SLCO1B3: variants seen among roughly 807,000 people sequenced by gnomAD.
The protein encoded by SLCO1B3 is liver-specific organic anion transporter 2.
Under a neutral mutation model 71.8 loss-of-function variants are expected in SLCO1B3, and 72 were observed. The ratio of observed to expected loss-of-function variants is 1.00; its 90% CI spans 0.83 to 1.22. The LOEUF is 1.22. Ranked by LOEUF, SLCO1B3 falls within the 50% of genes most tolerant of loss-of-function variation. The pLI, the probability that SLCO1B3 is intolerant of heterozygous loss-of-function variation, is 0.00. For missense variants in SLCO1B3, 911 were observed against 819.7 expected, an observed-to-expected ratio of 1.11 and a Z score of -1.36; for synonymous variants, 298 against 278.4, an observed-to-expected ratio of 1.07 and a Z score of -0.70.
intron 15 of SLCO1B3, among the ~76,000 whole-genome samples, chr12:20,904,600 G>A (rs1866198109): frequency 6.6e-6 from 1 of 151,816 alleles, no homozygotes; most frequent in Non-Finnish European, 1.5e-5. Flanking sequence ...GGAGTCTGGA[G>A]GACAGTGGCC....
chr12:20,863,346 T>C (rs2121256390), intron 8 of SLCO1B3, among the ~76,000 whole-genome samples: 1 of 152,262 alleles, frequency 6.6e-6, no homozygotes, highest in South Asian at 2.1e-4. Context: ...GAACATTTAA[T>C]GAGTGCTTAT....
intron 3 of SLCO1B3, among the ~76,000 whole-genome samples, chr12:20,830,710 G>T (rs1412662941): frequency 2.0e-5 from 3 of 152,204 alleles, no homozygotes; most frequent in East Asian, 1.9e-4. Context: ...GTTAAACAAG[G>T]TTCCTTTTAA....
intron 1 of SLCO1B3, among the ~76,000 whole-genome samples, chr12:20,811,325 T>G (rs555606345): frequency 6.6e-6 from 1 of 152,292 alleles, no homozygotes; most frequent in Non-Finnish European, 1.5e-5. Context: ...GAAAAAAATC[T>G]TCTGGGCACA....
chr12:20,817,483 C>T (rs1864212762), intron 3 of SLCO1B3, among the ~76,000 whole-genome samples: 1 of 152,142 alleles, frequency 6.6e-6, no homozygotes, highest in Admixed American at 6.5e-5. Flanking sequence ...CAAGAATAAG[C>T]TCACTGTAGG....
At chr12:20,858,705 T>A (rs1050213207) in intron 5 of SLCO1B3, 134 bp downstream of exon 5, 12 of 708,986 alleles carry the variant, frequency 1.7e-5, no homozygotes, top group Non-Finnish European at 2.7e-5. Context: ...AGAAATGGAG[T>A]ATATTTCCTA....
In SLCO1B3 at chr12:20,862,739, T is replaced by G; in HGVS notation, c.629-17T>G. The G allele has an allele frequency of 1.3e-6, 2 of 1,581,320 alleles. No individual in the cohort carries two copies. On this transcript the variant is annotated splice_polypyrimidine_tract_variant and intron_variant, in intron 7 of 15. Transcript: ENST00000381545. ...GTATTTGTGACATCTGATTAAATTGTTTTGTAATACTTACAGGTAGTTTGA... is the reference window on the plus strand; with the variant it reads ...GTATTTGTGACATCTGATTAAATTGGTTTGTAATACTTACAGGTAGTTTGA...
intron 1 of SLCO1B3, among the ~76,000 whole-genome samples, chr12:20,812,363 G>A (rs973447738): frequency 1.3e-5 from 2 of 150,208 alleles, no homozygotes; most frequent in African/African-American, 2.4e-5. Context: ...ATGATTATTC[G>A]GGTATGTTCT....
chr12:20,834,671 G>T (rs186448376), intron 3 of SLCO1B3, among the ~76,000 whole-genome samples: 1 of 151,968 alleles, frequency 6.6e-6, no homozygotes, highest in African/African-American at 2.4e-5. Context: ...GATGCAAGAG[G>T]TGGGTCCCTC....
At chr12:20,833,517 A>G (rs12825751) in intron 3 of SLCO1B3, among the ~76,000 whole-genome samples, 15,109 of 148,558 alleles carry the variant, frequency 0.1, 1,032 homozygotes, top group Middle Eastern at 0.18. Context: ...CTATGTATGT[A>G]TATACATATA....
At chr12:20,900,157 T>C (rs2120375244) in intron 14 of SLCO1B3, among the ~76,000 whole-genome samples, 1 of 152,336 alleles carries the variant, frequency 6.6e-6, no homozygotes, top group Non-Finnish European at 1.5e-5. Context: ...CTGTGATTTT[T>C]TGAAATCTGC....
chr12:20,875,366 C>CA lies in SLCO1B3; in HGVS notation c.864dup (p.Glu289ArgfsTer15), dbSNP rs767508889. ...CTTGCCGAAAAATCCAAATAAACCA[C>CA]AAAAAGAAAGAAAAATTTCACTATC... On this transcript the variant is annotated frameshift_variant, in exon 9 of 16. Transcript: ENST00000381545. LOFTEE classifies it high-confidence loss of function. 15 of 1,611,900 alleles carry CA rather than the reference C, an allele frequency of 9.3e-6. No individual in the cohort carries two copies. The highest frequency in any genetic ancestry group is 1.3e-5 in the Non-Finnish European group (15 of 1,179,242).
chr12:20,845,188 CATGG>C, intron 3 of SLCO1B3: 1 of 456,252 alleles, frequency 2.2e-6, no homozygotes, highest in Non-Finnish European at 4.5e-6. Context: ...AAGGTAGCCA[CATGG>C]GAGAAGCAGA....
rs775300015 is a variant in SLCO1B3 at position 20,883,584 on chromosome 12, TTATC to T, written c.1666_1669del (p.Ile556CysfsTer2). ...TTCTCTGCAACAGGAGGTACCACAT[TTATC>T]TTGTTGACTGTGAAGTAAGTATGAT... On this transcript the variant is annotated frameshift_variant, in exon 13 of 16. Transcript: ENST00000381545. LOFTEE classifies it high-confidence loss of function. 8.4e-5 allele frequency: 133 copies of T among 1,590,824 alleles called. 2 individuals carry two copies. The South Asian group carries it at 1.0e-3, about 12-fold the overall frequency.
chr12:20,828,255 G>A (rs914479394), intron 3 of SLCO1B3, among the ~76,000 whole-genome samples: 1 of 145,656 alleles, frequency 6.9e-6, no homozygotes, highest in Non-Finnish European at 1.5e-5. Context: ...ACACCCTTTT[G>A]TATCTTAAAC....
At chr12:20,873,123 C>T (rs1196413366) in intron 8 of SLCO1B3, among the ~76,000 whole-genome samples, 1 of 152,182 alleles carries the variant, frequency 6.6e-6, no homozygotes, top group Admixed American at 6.5e-5. Context: ...TACCTCATCA[C>T]TCTGCTTAAA....
Position 20,834,263 on chromosome 12 carries a change from C to G in SLCO1B3, c.84+18441C>G, listed in dbSNP as rs186304370. On this transcript the variant is annotated intron_variant, in intron 3 of 15. Transcript: ENST00000381545. ...AGTAAACATATATATAACCTGTATA[C>G]ATAGTCTTCATATACATGGAGAATA... 6.6e-3 allele frequency among the ~76,000 whole-genome samples: 919 copies of G among 139,944 alleles called. 11 individuals are homozygous for G. Among genetic ancestry groups the G allele is most frequent in the African/African-American group, 0.022 (890 of 39,598 alleles). 91.8% of individuals were successfully genotyped at this position (139,944 alleles called of 152,430 possible). A position where few individuals can be genotyped will look rare whatever the true frequency, so the allele number is the denominator to read the frequency against.
chr12:20,829,827 A>C (rs1242056160), intron 3 of SLCO1B3, among the ~76,000 whole-genome samples: 1 of 152,156 alleles, frequency 6.6e-6, no homozygotes, highest in Non-Finnish European at 1.5e-5. Flanking sequence ...CCCTTTGTAG[A>C]CCGTATAGGG....
Position 20,825,171 on chromosome 12 carries a change from T to C in SLCO1B3, c.84+9349T>C, listed in dbSNP as rs912193506. On this transcript the variant is annotated intron_variant, in intron 3 of 15. Transcript: ENST00000381545. ...TTTTTTAAATTAAAAAGTGGGTTAATGCTATAAGAACCTTGTTTATCTAAC... is the reference window on the plus strand; with the variant it reads ...TTTTTTAAATTAAAAAGTGGGTTAACGCTATAAGAACCTTGTTTATCTAAC... Among the ~76,000 whole-genome samples, 3 of 152,194 alleles carry C rather than the reference T, an allele frequency of 2.0e-5. No homozygotes were observed. The East Asian group carries it at 5.8e-4, about 29-fold the overall frequency.
At chr12:20,858,636 T>C in intron 5 of SLCO1B3, 65 bp downstream of exon 5, 1 of 1,464,788 alleles carries the variant, frequency 6.8e-7, no homozygotes, top group Non-Finnish European at 9.3e-7. Context: ...TAGAATTTTA[T>C]TTTTATACTT....
Sources: gnomAD v4.1 joint callset for allele counts (sites outside exome capture counted in the v4.1 genomes callset) on GRCh38, gnomAD v4.1.1 for gene constraint, MANE v1.5 for transcripts, NCBI Gene and HGNC (gene_info 2026-07-23, HGNC 2026-07-21) for gene names.